SEPTIN7: variants seen among roughly 807,000 people sequenced by gnomAD.
SEPTIN7 encodes the protein septin-7.
SEPTIN7 carries 10 observed loss-of-function variants against 63.3 expected under a neutral mutation model. The ratio of observed to expected loss-of-function variants is 0.16; its 90% CI spans 0.10 to 0.27. The LOEUF is 0.27. SEPTIN7 is among the 10% of genes least tolerant of loss of function. SEPTIN7 has a pLI of 1.00. For missense variants in SEPTIN7, 310 were observed against 521.0 expected (o/e 0.59, Z 3.94); for synonymous variants, 131 against 165.3 (o/e 0.79, Z 1.59).
At chr7:35,830,090 G>A (rs1775729463) in intron 1 of SEPTIN7, among the ~76,000 whole-genome samples, 1 of 152,054 alleles carries the variant, frequency 6.6e-6, no homozygotes, top group Admixed American at 6.6e-5. Context: ...GGAGGCTGAG[G>A]CAGGGAATTG....
chr7:35,915,272 C>T, the SEPTIN7 span, among the ~76,000 whole-genome samples: 678 of 147,454 alleles, frequency 4.6e-3, 4 homozygotes, highest in Non-Finnish European at 8.2e-3. Flanking sequence ...TATATATATA[C>T]ACACACACAT....
chr7:35,903,663 T>A (rs1788455039), intron 13 of SEPTIN7, among the ~76,000 whole-genome samples: 1 of 152,222 alleles, frequency 6.6e-6, no homozygotes, highest in African/African-American at 2.4e-5. Context: ...TGATTTCCAA[T>A]ACAACTAATC....
At chr7:35,846,096 G>GAC (rs1784654549) in intron 3 of SEPTIN7, among the ~76,000 whole-genome samples, 1 of 152,028 alleles carries the variant, frequency 6.6e-6, no homozygotes, top group South Asian at 2.1e-4. Context: ...TAAGAGAGAG[G>GAC]ACATCACCAT....
chr7:35,898,165 T>A (rs1462167407), intron 11 of SEPTIN7, 83 bp from the exon 12 acceptor site: 1 of 1,050,200 alleles, frequency 9.5e-7, no homozygotes, highest in East Asian at 2.6e-5. Flanking sequence ...AGCATCTGAT[T>A]TGTTTTCATC....
chr7:35,828,970 A>G (rs963821739), intron 1 of SEPTIN7, among the ~76,000 whole-genome samples: 4 of 150,098 alleles, frequency 2.7e-5, no homozygotes, highest in Admixed American at 2.7e-4. Context: ...CCTATGAAAA[A>G]CTCTCTAGTG....
intron 10 of SEPTIN7, among the ~76,000 whole-genome samples, chr7:35,889,915 A>G (rs1386998783): frequency 2.0e-5 from 3 of 152,182 alleles, no homozygotes; most frequent in Admixed American, 6.5e-5. Context: ...GATGGCAGAT[A>G]TAGGAAGTTT....
At chr7:35,914,612 ATCTC>A in the SEPTIN7 span, among the ~76,000 whole-genome samples, 1 of 149,842 alleles carries the variant, frequency 6.7e-6, no homozygotes, top group Non-Finnish European at 1.5e-5. Context: ...CTTACAATAA[ATCTC>A]TCTCTCTTCT....
At position 35,906,870 on chromosome 7, in the gene SEPTIN7, G is replaced by GA. The variant is rs753224157; in HGVS notation, c.*2582dup. On this transcript the variant is annotated 3_prime_UTR_variant, in exon 14 of 14. Transcript: ENST00000350320. ...AAGTCAGGATATGGTAGGTAAGGGG[G>GA]AAAAAGGAAAGACGGCTTGATAGCT... is the stretch of plus-strand genomic sequence containing the variant. 4 of 152,212 alleles carry GA rather than the reference G, an allele frequency of 2.6e-5. No homozygotes were observed. Among genetic ancestry groups the GA allele is most frequent in the Admixed American group, 1.3e-4 (2 of 15,282 alleles). 9.4% of individuals were successfully genotyped at this position (152,212 alleles called of 1,614,324 possible). A position where few individuals can be genotyped will look rare whatever the true frequency, so the allele number is the denominator to read the frequency against.
At chr7:35,852,440 G>A (rs1399217109) in intron 3 of SEPTIN7, among the ~76,000 whole-genome samples, 1 of 151,990 alleles carries the variant, frequency 6.6e-6, no homozygotes, top group Non-Finnish European at 1.5e-5. Context: ...TGGATTAAGG[G>A]TATGTGATAC....
intron 1 of SEPTIN7, among the ~76,000 whole-genome samples, chr7:35,808,137 T>G (rs545385884): frequency 3.3e-4 from 50 of 152,116 alleles, no homozygotes; most frequent in Admixed American, 1.5e-3. Flanking sequence ...TGTTGTTGTT[T>G]TTTTTAATAG....
chr7:35,903,190 A>G lies in SEPTIN7; in HGVS notation c.1249A>G (p.Ile417Val), dbSNP rs1235146842. ...EKANWEAQQR[I>V]LEQQNSSRTL... Reference sequence around the variant, plus strand: ...AGCAAACTGGGAAGCTCAACAACGTATTTTAGAACAACAGAACTCTTCAAG... The same window carrying G: ...AGCAAACTGGGAAGCTCAACAACGTGTTTTAGAACAACAGAACTCTTCAAG... Residue 417 changes from isoleucine to valine, a missense_variant, in exon 13 of 14, where the codon ATT (isoleucine) becomes GTT (valine). Around this residue, in one of 2 missense-constraint regions of SEPTIN7, gnomAD observed 255 missense variants for 490.5 expected, o/e 0.52. Transcript: ENST00000350320. 1.4e-5 allele frequency: 22 copies of G among 1,598,256 alleles called. No individual in the cohort carries two copies. The highest frequency in any genetic ancestry group is 1.8e-5 in the Non-Finnish European group (21 of 1,173,878).
chr7:35,866,998 G>T (rs1202941536), intron 4 of SEPTIN7, among the ~76,000 whole-genome samples: 1 of 152,204 alleles, frequency 6.6e-6, no homozygotes, highest in East Asian at 1.9e-4. Context: ...ATTACTGCCA[G>T]TCTGGGTACT....
intron 1 of SEPTIN7, among the ~76,000 whole-genome samples, chr7:35,817,524 C>T (rs1390949815): frequency 6.6e-6 from 1 of 152,004 alleles, no homozygotes; most frequent in Non-Finnish European, 1.5e-5. Flanking sequence ...TATTCTGGTT[C>T]CCTTGAATGT....
chr7:35,823,288 A>G (rs1026220048), intron 1 of SEPTIN7, among the ~76,000 whole-genome samples: 1 of 151,590 alleles, frequency 6.6e-6, no homozygotes, highest in Non-Finnish European at 1.5e-5. Context: ...TGCAATCTCC[A>G]CCTCCCAGGT....
At chr7:35,812,293 T>C (rs1479620123) in intron 1 of SEPTIN7, among the ~76,000 whole-genome samples, 1 of 151,516 alleles carries the variant, frequency 6.6e-6, no homozygotes, top group Non-Finnish European at 1.5e-5. Context: ...GGTAATTACA[T>C]AGACATAGGC....
intron 1 of SEPTIN7, among the ~76,000 whole-genome samples, chr7:35,813,820 T>G (rs950292743): frequency 6.6e-6 from 1 of 152,228 alleles, no homozygotes; most frequent in African/African-American, 2.4e-5. Flanking sequence ...TATTGATCAT[T>G]TCACATTCGA....
chr7:35,915,085 G>A, the SEPTIN7 span, among the ~76,000 whole-genome samples: 1 of 143,346 alleles, frequency 7.0e-6, no homozygotes, highest in Non-Finnish European at 1.5e-5. Context: ...GTACATATAT[G>A]TATATATGCG....
intron 1 of SEPTIN7, among the ~76,000 whole-genome samples, chr7:35,804,628 G>A (rs1412006426): frequency 6.6e-6 from 1 of 152,122 alleles, no homozygotes; most frequent in Non-Finnish European, 1.5e-5. Context: ...AGGTTAGATT[G>A]TAATTTTAAA....
At chr7:35,896,768 A>G (rs1787980845) in intron 11 of SEPTIN7, among the ~76,000 whole-genome samples, 1 of 152,228 alleles carries the variant, frequency 6.6e-6, no homozygotes, top group South Asian at 2.1e-4. Flanking sequence ...AATATATGTC[A>G]GGTTAGCATG....
Sources: allele counts gnomAD v4.1 joint callset (sites outside exome capture counted in the v4.1 genomes callset), GRCh38; gene constraint gnomAD v4.1.1; regional missense constraint gnomAD v4.1.1; transcripts MANE v1.5; gene names NCBI Gene and HGNC (gene_info 2026-07-23, HGNC 2026-07-21).